SYNDIG1: variants seen among roughly 807,000 people sequenced by gnomAD.
The protein encoded by SYNDIG1 is synapse differentiation inducing 1, also known as synapse differentiation-inducing gene protein 1.
In SYNDIG1, 9 loss-of-function variants were observed where a neutral mutation model predicts 19.4. That is an observed-to-expected ratio of 0.46 (90% CI 0.28 to 0.81). The LOEUF (loss-of-function observed/expected upper bound fraction) is 0.81, where lower values mean the gene tolerates loss of function less well. SYNDIG1 is among the 30% of genes least tolerant of loss of function. SYNDIG1 has a pLI of 0.12. For synonymous variants in SYNDIG1, 141 were observed against 145.9 expected (o/e 0.97, Z 0.24); for missense variants, 311 against 343.3 (o/e 0.91, Z 0.74).
At chr20:24,528,621 C>A (rs1038033850) in intron 1 of SYNDIG1, among the ~76,000 whole-genome samples, 1 of 152,184 alleles carries the variant, frequency 6.6e-6, no homozygotes, top group African/African-American at 2.4e-5. Flanking sequence ...CCCCCTCAAG[C>A]CCTTTTGTAC....
Position 24,619,316 on chromosome 20 carries a change from C to T in SYNDIG1, c.618+34323C>T, listed in dbSNP as rs547326124. ...TCCACATAAGCTCCTAAGGCCTTCA[C>T]TGCAGCTTTTCTGAAGAGTGGGGAC... On this transcript the variant is annotated intron_variant, in intron 3 of 3. Coordinates refer to ENST00000376862, the MANE Select transcript of SYNDIG1 (RefSeq NM_024893.3). 8.5e-5 allele frequency among the ~76,000 whole-genome samples: 13 copies of T among 152,344 alleles called. No homozygotes were observed. The South Asian group carries it at 2.7e-3, about 32-fold the overall frequency.
intron 3 of SYNDIG1, among the ~76,000 whole-genome samples, chr20:24,650,905 G>T (rs1170828849): frequency 6.6e-6 from 1 of 151,812 alleles, no homozygotes; most frequent in Non-Finnish European, 1.5e-5. Flanking sequence ...GTGCGATCTC[G>T]GCTCACTGCA....
intron 3 of SYNDIG1, among the ~76,000 whole-genome samples, chr20:24,654,693 GAAGGAAGA>G (rs1326539129): frequency 1.3e-5 from 2 of 148,468 alleles, no homozygotes; most frequent in Non-Finnish European, 3.0e-5. Flanking sequence ...AGGAAGGAAG[GAAGGAAGA>G]GTTAGAGAAT....
chr20:24,493,049 T>C (rs1033632822), intron 1 of SYNDIG1, among the ~76,000 whole-genome samples: 3 of 152,250 alleles, frequency 2.0e-5, no homozygotes, highest in Non-Finnish European at 4.4e-5. Context: ...CATCAAAATA[T>C]TGAGATGCCC....
At chr20:24,565,751 TCTC>T (rs1004801256) in intron 2 of SYNDIG1, among the ~76,000 whole-genome samples, 2 of 151,950 alleles carry the variant, frequency 1.3e-5, no homozygotes, top group Non-Finnish European at 2.9e-5. Context: ...ACTCCCACCT[TCTC>T]CTTCCCCCGC....
chr20:24,497,544 G>A (rs1483260047), intron 1 of SYNDIG1, among the ~76,000 whole-genome samples: 1 of 152,170 alleles, frequency 6.6e-6, no homozygotes, highest in Non-Finnish European at 1.5e-5. Context: ...TCACAAATGG[G>A]CTTCTTAGAT....
At chr20:24,573,052 T>C (rs2146952402) in intron 2 of SYNDIG1, among the ~76,000 whole-genome samples, 1 of 152,306 alleles carries the variant, frequency 6.6e-6, no homozygotes, top group Non-Finnish European at 1.5e-5. Context: ...TTTTACCCAC[T>C]GCTCTGCTGT....
chr20:24,588,150 C>T (rs1402084392), intron 3 of SYNDIG1, among the ~76,000 whole-genome samples: 2 of 152,086 alleles, frequency 1.3e-5, no homozygotes, highest in Non-Finnish European at 2.9e-5. Flanking sequence ...AAATGATTTC[C>T]AGGGTGTGCG....
At chr20:24,475,975 C>A (rs1225610859) in intron 1 of SYNDIG1, among the ~76,000 whole-genome samples, 1 of 152,030 alleles carries the variant, frequency 6.6e-6, no homozygotes, top group Non-Finnish European at 1.5e-5. Context: ...ATTCTTCCAC[C>A]TCAACCTCCC....
At chr20:24,592,213 G>A (rs546143281) in intron 3 of SYNDIG1, among the ~76,000 whole-genome samples, 6 of 152,304 alleles carry the variant, frequency 3.9e-5, no homozygotes, top group East Asian at 1.9e-4. Flanking sequence ...TTCTGCAAAG[G>A]TGGAGGGAAC....
intron 1 of SYNDIG1, among the ~76,000 whole-genome samples, chr20:24,516,663 AAAC>A (rs1255641474): frequency 6.6e-6 from 1 of 152,206 alleles, no homozygotes; most frequent in Non-Finnish European, 1.5e-5. Context: ...AAAAGTCAGG[AAAC>A]AACAGGTGCT....
chr20:24,651,527 T>C (rs914579083), intron 3 of SYNDIG1, among the ~76,000 whole-genome samples: 1 of 152,198 alleles, frequency 6.6e-6, no homozygotes, highest in Admixed American at 6.5e-5. Context: ...GGAGTTGTTT[T>C]CACGTATATT....
intron 1 of SYNDIG1, among the ~76,000 whole-genome samples, chr20:24,531,755 G>A (rs1451057569): frequency 6.6e-6 from 1 of 152,240 alleles, no homozygotes; most frequent in Non-Finnish European, 1.5e-5. Context: ...CACAGAAGGT[G>A]TGTGCTATGT....
At chr20:24,526,134 A>G (rs933907362) in intron 1 of SYNDIG1, among the ~76,000 whole-genome samples, 10 of 152,302 alleles carry the variant, frequency 6.6e-5, no homozygotes, top group African/African-American at 1.9e-4. Flanking sequence ...TCTCTTATAA[A>G]TAACATATGT....
At chr20:24,561,779 A>G (rs1190594465) in intron 2 of SYNDIG1, among the ~76,000 whole-genome samples, 3 of 152,212 alleles carry the variant, frequency 2.0e-5, no homozygotes, top group East Asian at 1.9e-4. Context: ...CTGGGCGTGC[A>G]TTTCCCAACA....
intron 2 of SYNDIG1, among the ~76,000 whole-genome samples, chr20:24,553,300 A>G (rs1341232010): frequency 7.2e-5 from 11 of 152,002 alleles, no homozygotes; most frequent in Admixed American, 6.6e-4. Context: ...GCTGTGCAGA[A>G]GCTCTTTAGT....
At chr20:24,610,228 T>G (rs1216929454) in intron 3 of SYNDIG1, among the ~76,000 whole-genome samples, 1 of 152,200 alleles carries the variant, frequency 6.6e-6, no homozygotes, top group East Asian at 1.9e-4. Flanking sequence ...AGTTTTAAAA[T>G]GATTCTCTGC....
chr20:24,501,711 G>A (rs1600452050), intron 1 of SYNDIG1, among the ~76,000 whole-genome samples: 1 of 152,238 alleles, frequency 6.6e-6, no homozygotes, highest in African/African-American at 2.4e-5. Context: ...TTCATGGTAA[G>A]CTTAGTCCCT....
intron 3 of SYNDIG1, among the ~76,000 whole-genome samples, chr20:24,589,422 A>C (rs899457871): frequency 6.6e-6 from 1 of 152,204 alleles, no homozygotes; most frequent in African/African-American, 2.4e-5. Context: ...GCAAATGAAA[A>C]TAGAACCACA....
Sources: gnomAD v4.1 joint callset for allele counts (sites outside exome capture counted in the v4.1 genomes callset) on GRCh38, gnomAD v4.1.1 for gene constraint, MANE v1.5 for transcripts, NCBI Gene and HGNC (gene_info 2026-07-23, HGNC 2026-07-21) for gene names.